The following DPP6 variants were observed in gnomAD, a reference collection of about 807,000 sequenced individuals.
DPP6 encodes the protein A-type potassium channel modulatory protein DPP6.
In DPP6, 69 loss-of-function variants were observed where a neutral mutation model predicts 122.6. The ratio of observed to expected loss-of-function variants is 0.56; its 90% confidence interval spans 0.46 to 0.69. DPP6 has a LOEUF of 0.69. DPP6 is among the 30% of genes least tolerant of loss of function. The pLI is 0.00. For synonymous variants in DPP6, 418 were observed against 433.1 expected, an observed-to-expected ratio of 0.97 and a Z score of 0.43; for missense variants, 928 against 1,116.9, an observed-to-expected ratio of 0.83 and a Z score of 2.41.
rs191555593 is a variant in DPP6 at position 154,698,872 on chromosome 7, G to A, written c.763-28895G>A. Among the ~76,000 whole-genome samples, 186 of 152,288 alleles carry A rather than the reference G, an allele frequency of 1.2e-3. 1 individual carries two copies. In the East Asian group the frequency reaches 0.013, roughly 10 times the overall value. On this transcript the variant is annotated intron_variant, in intron 7 of 25. Transcript: ENST00000377770. The stretch of plus-strand genomic sequence containing the variant: ...CTGAGCTGGGTTCTGTGATTCCCCT[G>A]CTCATCCTCTAGGAGGCACTAATGA...
At chr7:154,740,264 T>C (rs997807964) in intron 8 of DPP6, among the ~76,000 whole-genome samples, 2 of 152,092 alleles carry the variant, frequency 1.3e-5, no homozygotes, top group African/African-American at 4.8e-5. Context: ...GTATTTGAGG[T>C]TGAGATATTT....
intron 1 of DPP6, among the ~76,000 whole-genome samples, chr7:154,062,536 C>T (rs1406777867): frequency 1.6e-4 from 3 of 18,976 alleles, no homozygotes; most frequent in Admixed American, 1.3e-3. Context: ...TCCCCTCTTC[C>T]GCCCCTGGCT....
intron 1 of DPP6, among the ~76,000 whole-genome samples, chr7:154,183,610 C>T (rs1319341616): frequency 1.3e-5 from 2 of 152,210 alleles, no homozygotes; most frequent in African/African-American, 2.4e-5. Flanking sequence ...TTTCCTTCCT[C>T]CATGACTGAA....
chr7:154,536,663 G>A (rs1447827701), intron 3 of DPP6, among the ~76,000 whole-genome samples: 1 of 152,002 alleles, frequency 6.6e-6, no homozygotes, highest in Non-Finnish European at 1.5e-5. Flanking sequence ...AACTCATAAG[G>A]GAAAATTTCC....
chr7:154,181,411 T>G (rs1585568563), intron 1 of DPP6, among the ~76,000 whole-genome samples: 1 of 152,102 alleles, frequency 6.6e-6, no homozygotes, highest in African/African-American at 2.4e-5. Context: ...TGTCAGAAAT[T>G]CCCTAGTGTT....
intron 6 of DPP6, among the ~76,000 whole-genome samples, chr7:154,648,364 C>G (rs1201184656): frequency 6.6e-6 from 1 of 152,070 alleles, no homozygotes; most frequent in Non-Finnish European, 1.5e-5. Context: ...CCCTTGCTGT[C>G]TAGTTTATTT....
the DPP6 span, among the ~76,000 whole-genome samples, chr7:153,803,942 T>TA: frequency 6.6e-6 from 1 of 151,900 alleles, no homozygotes; most frequent in East Asian, 1.9e-4. Context: ...TTTATCCAGA[T>TA]ATCTGTACTC....
At chr7:154,123,042 C>A (rs1039712296) in intron 1 of DPP6, among the ~76,000 whole-genome samples, 3 of 152,122 alleles carry the variant, frequency 2.0e-5, no homozygotes, top group Non-Finnish European at 4.4e-5. Context: ...AAATCAGAAT[C>A]GTATCAAAGG....
chr7:153,976,051 T>C (rs187317899), intron 1 of DPP6, among the ~76,000 whole-genome samples: 2 of 152,212 alleles, frequency 1.3e-5, no homozygotes, highest in Admixed American at 1.3e-4. Context: ...GTTACTGTTA[T>C]TATTACCTGC....
chr7:153,781,619 T>C, the DPP6 span, among the ~76,000 whole-genome samples: 1 of 152,150 alleles, frequency 6.6e-6, no homozygotes, highest in Non-Finnish European at 1.5e-5. Flanking sequence ...GGAAGGTAGA[T>C]TGGCTCCCCC....
At chr7:154,307,075 A>G (rs1031116931) in intron 1 of DPP6, among the ~76,000 whole-genome samples, 5 of 152,152 alleles carry the variant, frequency 3.3e-5, no homozygotes, top group African/African-American at 9.7e-5. Context: ...GAAAGAGTGC[A>G]TTGCTGTTCA....
intron 1 of DPP6, among the ~76,000 whole-genome samples, chr7:154,073,591 G>A (rs1425862657): frequency 2.6e-5 from 4 of 152,150 alleles, no homozygotes; most frequent in Non-Finnish European, 5.9e-5. Context: ...AGTACTCATC[G>A]CGATTAATAC....
chr7:154,825,347 T>G (rs776400942), intron 16 of DPP6, among the ~76,000 whole-genome samples: 3 of 152,230 alleles, frequency 2.0e-5, no homozygotes, highest in African/African-American at 7.2e-5. Flanking sequence ...AATCTACCTG[T>G]ACTGAATTCT....
intron 7 of DPP6, among the ~76,000 whole-genome samples, chr7:154,717,531 A>AGT (rs1284299372): frequency 6.6e-6 from 1 of 152,164 alleles, no homozygotes; most frequent in Non-Finnish European, 1.5e-5. Context: ...CACTTAACCT[A>AGT]GTGTCCTCTA....
chr7:154,771,747 T>C (rs1370118338), intron 9 of DPP6, among the ~76,000 whole-genome samples: 1 of 152,224 alleles, frequency 6.6e-6, no homozygotes, highest in Non-Finnish European at 1.5e-5. Context: ...TAACATGGCA[T>C]GGATTTGCCT....
chr7:154,322,853 C>G (rs974287981), intron 1 of DPP6, among the ~76,000 whole-genome samples: 1 of 152,160 alleles, frequency 6.6e-6, no homozygotes, highest in Non-Finnish European at 1.5e-5. Flanking sequence ...ATGCCTGCTT[C>G]AATGCCTGTA....
chr7:154,378,288 G>T (rs1813298303), intron 1 of DPP6, among the ~76,000 whole-genome samples: 1 of 152,192 alleles, frequency 6.6e-6, no homozygotes, highest in Non-Finnish European at 1.5e-5. Flanking sequence ...ATAAGCCATT[G>T]TATGATTTCA....
chr7:154,406,892 C>T (rs1291533069), intron 1 of DPP6, among the ~76,000 whole-genome samples: 1 of 152,192 alleles, frequency 6.6e-6, no homozygotes, highest in Non-Finnish European at 1.5e-5. Context: ...GACCACACAT[C>T]TGTTCCCAGC....
Position 154,031,975 on chromosome 7 carries a change from C to T in DPP6, c.51+144241C>T, listed in dbSNP as rs537626688. Among the ~76,000 whole-genome samples the T allele has an allele frequency of 5.8e-3, 877 of 151,180 alleles. 4 individuals are homozygous for T. The highest frequency in any genetic ancestry group is 0.021 in the Middle Eastern group (6 of 286). On this transcript the variant is annotated intron_variant, in intron 1 of 25. Coordinates refer to the DPP6 transcript ENST00000404039. ...CTCCTGGCTTCATGCCATTCTCCTG[C>T]CTCAGCCTCCCGAGTAGCTGGGACT...
Sources: gnomAD v4.1 joint callset for allele counts (sites outside exome capture counted in the v4.1 genomes callset) on GRCh38, gnomAD v4.1.1 for gene constraint, MANE v1.5 for transcripts, NCBI Gene and HGNC (gene_info 2026-07-23, HGNC 2026-07-21) for gene names.